Variants in HACE1 observed in about 807,000 individuals in gnomAD.
The protein encoded by HACE1 is HECT domain and ankyrin repeat containing E3 ubiquitin protein ligase 1.
Under a neutral mutation model 118.4 loss-of-function variants are expected in HACE1, and 73 were observed. The ratio of observed to expected loss-of-function variants is 0.62; its 90% CI spans 0.51 to 0.75. HACE1 has a LOEUF of 0.75. Among genes scored for constraint, HACE1 ranks in the 30% least tolerant of loss-of-function variants. HACE1 has a pLI of 0.00. For synonymous variants in HACE1, 368 were observed against 374.8 expected (o/e 0.98, Z 0.21); for missense variants, 749 against 1,102.2 (o/e 0.68, Z 4.54).
chr6:104,778,992 TAGGAGG>T (rs912179029), intron 14 of HACE1, among the ~76,000 whole-genome samples: 1 of 152,126 alleles, frequency 6.6e-6, no homozygotes, highest in Admixed American at 6.5e-5. Flanking sequence ...ATTAGGGATT[TAGGAGG>T]AGATACTGGA....
chr6:104,746,035 A>G (rs1224051499), intron 20 of HACE1, among the ~76,000 whole-genome samples: 1 of 152,246 alleles, frequency 6.6e-6, no homozygotes, highest in African/African-American at 2.4e-5. Context: ...TAAGCTAGAC[A>G]TTAAAGAAAT....
At chr6:104,760,530 T>C (rs1420085080) in intron 19 of HACE1, among the ~76,000 whole-genome samples, 1 of 152,138 alleles carries the variant, frequency 6.6e-6, no homozygotes, top group Admixed American at 6.5e-5. Flanking sequence ...AACTAGGAAT[T>C]GATGGAATGC....
At chr6:104,844,226 G>C (rs1562496290) in intron 4 of HACE1, among the ~76,000 whole-genome samples, 1 of 151,612 alleles carries the variant, frequency 6.6e-6, no homozygotes, top group Non-Finnish European at 1.5e-5. Flanking sequence ...TAGTAGAAAC[G>C]GGGTTTCACC....
chr6:104,772,025 C>T lies in HACE1; in HGVS notation c.1914G>A (p.Leu638=), dbSNP rs200655847. The part of the protein sequence containing the change: ...NSNSYVNPDH[L]NYFRFAGQIL... Reference sequence around the variant, plus strand: ...TCTGCCCAGCAAACCGAAAATAGTTCAAGTGATCAGGATTTACATAAGAGT... The same window carrying T: ...TCTGCCCAGCAAACCGAAAATAGTTTAAGTGATCAGGATTTACATAAGAGT... The change falls in exon 18 of 24, where the codon TTG becomes TTA. Residue 638 remains leucine, a synonymous_variant. Transcript: ENST00000262903. 8.1e-6 allele frequency: 13 copies of T among 1,608,938 alleles called. No individual in the cohort carries two copies. In the African/African-American group the frequency reaches 1.6e-4, roughly 20 times the overall value.
At chr6:104,836,528 C>T (rs1774559301) in intron 5 of HACE1, among the ~76,000 whole-genome samples, 2 of 151,966 alleles carry the variant, frequency 1.3e-5, no homozygotes, top group African/African-American at 2.4e-5. Flanking sequence ...GCCTGGCCAA[C>T]AAGGTGTAAC....
At chr6:104,774,439 C>G (rs1390047151) in intron 17 of HACE1, among the ~76,000 whole-genome samples, 1 of 149,618 alleles carries the variant, frequency 6.7e-6, no homozygotes, top group East Asian at 2.0e-4. Flanking sequence ...GGCTGGAGTG[C>G]AGTGGCACAA....
chr6:104,755,887 G>A (rs951949695), intron 19 of HACE1, among the ~76,000 whole-genome samples: 9 of 152,086 alleles, frequency 5.9e-5, no homozygotes, highest in African/African-American at 9.7e-5. Flanking sequence ...AGCCAAGAGC[G>A]AACAAACTCC....
At chr6:104,791,856 T>C (rs1375899016) in intron 10 of HACE1, among the ~76,000 whole-genome samples, 1 of 152,174 alleles carries the variant, frequency 6.6e-6, no homozygotes, top group Non-Finnish European at 1.5e-5. Context: ...AAATTACTAT[T>C]TCTTAAGCAC....
chr6:104,816,917 A>G (rs368055165), intron 6 of HACE1, among the ~76,000 whole-genome samples: 99 of 152,180 alleles, frequency 6.5e-4, no homozygotes, highest in African/African-American at 2.2e-3. Flanking sequence ...TAGAGCTTTA[A>G]GATTTAATGA....
chr6:104,799,863 T>A (rs1262770395), intron 7 of HACE1, among the ~76,000 whole-genome samples: 1 of 151,798 alleles, frequency 6.6e-6, no homozygotes, highest in Non-Finnish European at 1.5e-5. Flanking sequence ...ACCTGGTCGA[T>A]CTCATTGGGA....
intron 6 of HACE1, among the ~76,000 whole-genome samples, chr6:104,831,982 G>GAA (rs1562471158): frequency 1.9e-5 from 1 of 53,008 alleles, no homozygotes; most frequent in Non-Finnish European, 3.7e-5. Flanking sequence ...AGAGAAGAGA[G>GAA]GAAGGAAGGA....
intron 22 of HACE1, among the ~76,000 whole-genome samples, chr6:104,739,214 G>T (rs1369820143): frequency 2.6e-5 from 4 of 152,144 alleles, no homozygotes; most frequent in Admixed American, 1.3e-4. Context: ...GCAAAATCAT[G>T]CCAAAATGTA....
intron 23 of HACE1, 135 bp from the exon 24 acceptor site, chr6:104,729,899 A>G (rs1027037215): frequency 8.0e-5 from 53 of 663,812 alleles, no homozygotes; most frequent in Non-Finnish European, 1.0e-4. Flanking sequence ...GAAAAACCCT[A>G]AAGTGGTATT....
rs1445551076 is a variant in HACE1, at chr6:104,785,212, T to C, written c.1182A>G (p.Lys394=). The C allele has an allele frequency of 6.2e-7, 1 of 1,613,834 alleles. No homozygotes were observed. Among genetic ancestry groups the C allele is most frequent in the African/African-American group, 1.3e-5 (1 of 75,038 alleles). ...CAGCATCTTGATCTTGGCCTTTTTG[T>C]TTCAGTAAAATAGAAGTGATCTCTG... ...DSTEITSILL[K]QKGQDQDAAS... The change falls in exon 12 of 24, where the codon AAA becomes AAG. Residue 394 remains lysine, a synonymous_variant. Coordinates refer to ENST00000262903, the MANE Select transcript of HACE1 (RefSeq NM_020771.4).
At chr6:104,787,505 T>G (rs1183286174) in intron 11 of HACE1, 2 of 152,154 alleles carry the variant, frequency 1.3e-5, no homozygotes, top group Non-Finnish European at 2.9e-5. Context: ...TCAGCAAAAC[T>G]ATTTAGCTTT....
intron 4 of HACE1, among the ~76,000 whole-genome samples, chr6:104,844,153 T>C (rs1467191493): frequency 1.4e-5 from 2 of 147,964 alleles, no homozygotes; most frequent in Non-Finnish European, 3.0e-5. Flanking sequence ...TTCTCTTGCC[T>C]CAGCCTCCCA....
chr6:104,775,492 T>C (rs1399089638), intron 17 of HACE1, among the ~76,000 whole-genome samples: 3 of 152,080 alleles, frequency 2.0e-5, no homozygotes, highest in Non-Finnish European at 4.4e-5. Flanking sequence ...CCACACCAAA[T>C]CTGTTTTTCA....
chr6:104,739,438 C>T (rs1489684849), intron 22 of HACE1, among the ~76,000 whole-genome samples: 6 of 152,010 alleles, frequency 3.9e-5, no homozygotes. Flanking sequence ...CGTGCAGAGA[C>T]ACACATAGGC....
intron 19 of HACE1, among the ~76,000 whole-genome samples, chr6:104,763,166 T>C (rs559932350): frequency 2.0e-5 from 3 of 152,174 alleles, no homozygotes; most frequent in Admixed American, 6.5e-5. Context: ...CATGTTTTCA[T>C]TGTTGACAGG....
Sources: allele counts gnomAD v4.1 joint callset (sites outside exome capture counted in the v4.1 genomes callset), GRCh38; gene constraint gnomAD v4.1.1; transcripts MANE v1.5; gene names NCBI Gene and HGNC (gene_info 2026-07-23, HGNC 2026-07-21).